The following PIK3CB variants were observed in gnomAD, a reference collection of about 807,000 sequenced individuals.
PIK3CB encodes the protein phosphatidylinositol 4,5-bisphosphate 3-kinase catalytic subunit beta isoform.
In PIK3CB, 39 loss-of-function variants were observed where a neutral mutation model predicts 136.8. The ratio of observed to expected loss-of-function variants is 0.29; its 90% CI spans 0.22 to 0.37. The LOEUF (loss-of-function observed/expected upper bound fraction) is 0.37, where lower values mean the gene tolerates loss of function less well. PIK3CB is among the 10% of genes least tolerant of loss of function. PIK3CB has a pLI of 1.00. For synonymous variants in PIK3CB, 428 were observed against 436.6 expected (o/e 0.98, Z 0.25); for missense variants, 868 against 1,275.4 (o/e 0.68, Z 4.87).
At chr3:138,724,557 T>C (rs1419546497) in intron 8 of PIK3CB, among the ~76,000 whole-genome samples, 1 of 152,172 alleles carries the variant, frequency 6.6e-6, no homozygotes, top group Non-Finnish European at 1.5e-5. Context: ...GAGCTGAAAG[T>C]TCCAATCCTC....
In PIK3CB at chr3:138,699,114, C is replaced by T. The variant is rs747781214; in HGVS notation, c.1582-19G>A. The T allele has an allele frequency of 7.0e-7, 1 of 1,425,224 alleles. No homozygotes were observed. Among genetic ancestry groups the T allele is most frequent in the East Asian group, 2.3e-5 (1 of 42,630 alleles). 88.3% of individuals were successfully genotyped at this position (1,425,224 alleles called of 1,614,324 possible). A position where few individuals can be genotyped will look rare whatever the true frequency, so the allele number is the denominator to read the frequency against. On this transcript the variant is annotated intron_variant, in intron 12 of 23. Coordinates refer to ENST00000674063, the MANE Select transcript of PIK3CB (RefSeq NM_006219.3). ...CTCGACTCTAAAAAAGTAAAATGCT[C>T]ATTATAGAATTTAATTGTGCAAACA...
At chr3:138,818,771 A>G (rs1328291144) in intron 1 of PIK3CB, among the ~76,000 whole-genome samples, 1 of 152,208 alleles carries the variant, frequency 6.6e-6, no homozygotes, top group Non-Finnish European at 1.5e-5. Flanking sequence ...TAAATATTTC[A>G]TAACATCCCT....
At chr3:138,824,060 G>A (rs1414477335) in intron 1 of PIK3CB, among the ~76,000 whole-genome samples, 1 of 152,120 alleles carries the variant, frequency 6.6e-6, no homozygotes, top group Non-Finnish European at 1.5e-5. Context: ...TAAGTGGCAG[G>A]AGAAGAAGAT....
intron 19 of PIK3CB, among the ~76,000 whole-genome samples, chr3:138,673,732 A>C (rs1006779623): frequency 6.6e-6 from 1 of 152,068 alleles, no homozygotes; most frequent in Non-Finnish European, 1.5e-5. Context: ...CCCCAACGTG[A>C]ATCTGTTTTG....
intron 1 of PIK3CB, among the ~76,000 whole-genome samples, chr3:138,807,740 A>T (rs1424020153): frequency 6.6e-6 from 1 of 152,126 alleles, no homozygotes; most frequent in Non-Finnish European, 1.5e-5. Flanking sequence ...TAAAAATTTT[A>T]AAAATTAACC....
intron 19 of PIK3CB, among the ~76,000 whole-genome samples, chr3:138,677,209 G>T (rs1336783376): frequency 6.6e-6 from 1 of 152,070 alleles, no homozygotes; most frequent in Non-Finnish European, 1.5e-5. Flanking sequence ...ACAGGGATGT[G>T]CCACCATGCC....
chr3:138,669,535 G>C (rs941810686), intron 19 of PIK3CB, among the ~76,000 whole-genome samples: 1 of 151,968 alleles, frequency 6.6e-6, no homozygotes, highest in Non-Finnish European at 1.5e-5. Context: ...GGGGTAGAGT[G>C]GGGGTGTGCA....
chr3:138,794,435 T>C (rs1005495031), intron 2 of PIK3CB, among the ~76,000 whole-genome samples: 3 of 152,088 alleles, frequency 2.0e-5, no homozygotes, highest in Non-Finnish European at 2.9e-5. Flanking sequence ...TGCTGAGCAA[T>C]AGTAAAGGCC....
intron 13 of PIK3CB, among the ~76,000 whole-genome samples, chr3:138,697,970 C>A (rs562673243): frequency 6.6e-6 from 1 of 151,618 alleles, no homozygotes; most frequent in Non-Finnish European, 1.5e-5. Flanking sequence ...TGAGCTCAAG[C>A]GATCCACCTG....
chr3:138,713,388 C>T (rs1040977830), intron 9 of PIK3CB, among the ~76,000 whole-genome samples: 4 of 151,408 alleles, frequency 2.6e-5, no homozygotes, highest in Non-Finnish European at 5.9e-5. Flanking sequence ...AATAAAAGAA[C>T]ACGGCCAGGC....
At chr3:138,710,147 A>C (rs2044467677) in intron 10 of PIK3CB, among the ~76,000 whole-genome samples, 2 of 152,078 alleles carry the variant, frequency 1.3e-5, no homozygotes, top group Non-Finnish European at 2.9e-5. Flanking sequence ...TCAAGTCACT[A>C]CACTCCAGCC....
intron 11 of PIK3CB, among the ~76,000 whole-genome samples, chr3:138,706,299 G>C (rs1422378762): frequency 6.6e-6 from 1 of 152,136 alleles, no homozygotes; most frequent in African/African-American, 2.4e-5. Flanking sequence ...AGCTCTCTTA[G>C]CATGTAAATT....
chr3:138,712,266 G>C lies in PIK3CB; in HGVS notation c.1341C>G (p.Asp447Glu). ...CTCCAGTTCTCAATTGTCCTTTAAA[G>C]TCAAAAACCATCGTATTTACCCACG... ...PVAWVNTMVFDFKGQLRTGDI... is the reference protein window; with the variant it reads ...PVAWVNTMVFEFKGQLRTGDI... Residue 447 changes from aspartate (D) to glutamate (E), a missense_variant, in exon 10 of 24, where the codon GAC becomes GAG. Asp to Glu is a conservative substitution (Grantham distance 45). This residue lies in a region of PIK3CB where 612 missense variants were observed against 801.1 expected (regional missense o/e 0.76). Transcript: ENST00000674063. The C allele has an allele frequency of 6.3e-7, 1 of 1,585,484 alleles. No individual in the cohort carries two copies. Among genetic ancestry groups the C allele is most frequent in the Non-Finnish European group, 8.6e-7 (1 of 1,162,346 alleles).
intron 4 of PIK3CB, among the ~76,000 whole-genome samples, chr3:138,746,013 G>A (rs570596903): frequency 3.5e-4 from 53 of 152,144 alleles, no homozygotes; most frequent in African/African-American, 1.2e-3. Context: ...TTGGGAGGCC[G>A]AGGTGGGAGG....
At chr3:138,740,381 C>T (rs1399326954) in intron 5 of PIK3CB, among the ~76,000 whole-genome samples, 1 of 152,060 alleles carries the variant, frequency 6.6e-6, no homozygotes, top group Non-Finnish European at 1.5e-5. Context: ...ACAAAACAAA[C>T]AAAAAACCCT....
At chr3:138,739,265 G>A (rs2045185448) in intron 5 of PIK3CB, among the ~76,000 whole-genome samples, 1 of 151,916 alleles carries the variant, frequency 6.6e-6, no homozygotes, top group Non-Finnish European at 1.5e-5. Context: ...CCAACATGGT[G>A]AAACCCTGTC....
At chr3:138,803,204 A>G (rs1030990588) in intron 1 of PIK3CB, among the ~76,000 whole-genome samples, 2 of 152,184 alleles carry the variant, frequency 1.3e-5, no homozygotes, top group Non-Finnish European at 2.9e-5. Flanking sequence ...GCAGACAATT[A>G]AACCACTGTT....
chr3:138,762,985 A>T lies in PIK3CB; in HGVS notation c.-16-3626T>A, dbSNP rs568867604. On this transcript the variant is annotated intron_variant, in intron 2 of 23. Coordinates refer to ENST00000674063, the MANE Select transcript of PIK3CB (RefSeq NM_006219.3). The stretch of plus-strand genomic sequence containing the variant: ...AAAAAAAACAAAACAACAATAAAAA[A>T]ATATATATATATACTTTGCTTATAT... 1.9e-3 allele frequency among the ~76,000 whole-genome samples: 286 copies of T among 151,906 alleles called. 2 individuals carry two copies. The highest frequency in any genetic ancestry group is 1.2e-3 in the East Asian group (6 of 5,162).
chr3:138,708,551 A>G (rs903365705), intron 10 of PIK3CB, among the ~76,000 whole-genome samples: 1 of 150,812 alleles, frequency 6.6e-6, no homozygotes, highest in Non-Finnish European at 1.5e-5. Context: ...GTGAGCAATC[A>G]CACCCAGCCC....
Sources: gnomAD v4.1 joint callset for allele counts (sites outside exome capture counted in the v4.1 genomes callset) on GRCh38, gnomAD v4.1.1 for gene constraint, gnomAD v4.1.1 regional missense constraint, MANE v1.5 for transcripts, NCBI Gene and HGNC (gene_info 2026-07-23, HGNC 2026-07-21) for gene names.